OPCML: variants seen among roughly 807,000 people sequenced by gnomAD.
OPCML encodes the protein opioid binding protein/cell adhesion molecule like.
A neutral mutation model predicts 37.8 loss-of-function variants in OPCML; 13 were observed. The observed-to-expected ratio is 0.34, with a 90% confidence interval of 0.22 to 0.55. OPCML has a LOEUF of 0.55. OPCML is among the 20% of genes least tolerant of loss of function. OPCML has a pLI of 0.91. For missense variants in OPCML, 341 were observed against 435.6 expected (o/e 0.78, Z 1.93); for synonymous variants, 176 against 168.8 (o/e 1.04, Z -0.33).
chr11:133,350,274 G>C (rs889615740), intron 1 of OPCML, among the ~76,000 whole-genome samples: 1 of 152,292 alleles, frequency 6.6e-6, no homozygotes, highest in East Asian at 1.9e-4. Context: ...GTACCCACAC[G>C]CTAGAACACT....
In OPCML at chr11:133,162,710, T is replaced by A. The variant is rs148823614; in HGVS notation, c.62-219700A>T. ...GAAAGGAAAAGGGTCCCTGTTTGTG[T>A]CAGCCGGAAAGATAGCAGAGGCTAG... On this transcript the variant is annotated intron_variant, in intron 1 of 7. Coordinates refer to ENST00000524381, the MANE Select transcript of OPCML (RefSeq NM_001012393.5). Among the ~76,000 whole-genome samples, 27 of 150,976 alleles carry A rather than the reference T, an allele frequency of 1.8e-4. No individual in the cohort carries two copies. In the East Asian group the frequency reaches 5.3e-3, roughly 29 times the overall value.
intron 2 of OPCML, among the ~76,000 whole-genome samples, chr11:132,916,840 G>A (rs1472930228): frequency 6.6e-5 from 10 of 152,254 alleles, no homozygotes; most frequent in African/African-American, 1.9e-4. Flanking sequence ...TACTGCAGTC[G>A]GCAGCAGCAT....
intron 1 of OPCML, among the ~76,000 whole-genome samples, chr11:133,046,643 T>A (rs942909963): frequency 1.3e-5 from 2 of 152,196 alleles, no homozygotes; most frequent in African/African-American, 4.8e-5. Flanking sequence ...GCCCCTGGCA[T>A]GTGGGGTTCT....
chr11:132,703,391 T>C (rs1044743911), intron 2 of OPCML, among the ~76,000 whole-genome samples: 1 of 152,206 alleles, frequency 6.6e-6, no homozygotes, highest in Non-Finnish European at 1.5e-5. Flanking sequence ...TTGACCAAAA[T>C]GTTGCTGTCC....
At chr11:133,166,587 G>A (rs995605309) in intron 1 of OPCML, among the ~76,000 whole-genome samples, 1 of 152,234 alleles carries the variant, frequency 6.6e-6, no homozygotes, top group Non-Finnish European at 1.5e-5. Context: ...GGGGATGACA[G>A]AAGATTTGCC....
intron 3 of OPCML, among the ~76,000 whole-genome samples, chr11:132,634,942 C>A (rs1367602641): frequency 6.6e-6 from 1 of 151,946 alleles, no homozygotes; most frequent in Non-Finnish European, 1.5e-5. Flanking sequence ...AATATAATGC[C>A]CTCTTACTAT....
chr11:133,140,168 CAG>C (rs1314407333), intron 1 of OPCML, among the ~76,000 whole-genome samples: 1 of 139,168 alleles, frequency 7.2e-6, no homozygotes, highest in African/African-American at 2.7e-5. Context: ...GCCTGGGCGA[CAG>C]AGTGAGACTC....
chr11:133,004,269 C>T, intron 1 of OPCML: 1 of 985,448 alleles, frequency 1.0e-6, no homozygotes. Flanking sequence ...AGAGGCTTGC[C>T]AGAGGAAAGC....
intron 1 of OPCML, among the ~76,000 whole-genome samples, chr11:133,113,946 G>A (rs570282324): frequency 6.6e-6 from 1 of 152,268 alleles, no homozygotes; most frequent in South Asian, 2.1e-4. Context: ...AGACCACCTT[G>A]TTGATATTTA....
chr11:132,831,373 A>G (rs1940674218), intron 2 of OPCML, among the ~76,000 whole-genome samples: 1 of 152,180 alleles, frequency 6.6e-6, no homozygotes, highest in African/African-American at 2.4e-5. Context: ...AAGGGGAATA[A>G]TCTACATTCA....
chr11:132,631,513 G>A, intron 3 of OPCML, among the ~76,000 whole-genome samples: 1 of 150,936 alleles, frequency 6.6e-6, no homozygotes, highest in Middle Eastern at 3.2e-3. Flanking sequence ...AGGCTGGAGT[G>A]CAGTGGCAAG....
chr11:133,034,626 T>C (rs1357959901), intron 1 of OPCML, among the ~76,000 whole-genome samples: 2 of 152,206 alleles, frequency 1.3e-5, no homozygotes, highest in Admixed American at 6.5e-5. Flanking sequence ...AGAATGCTGC[T>C]GTATGTAGAG....
chr11:132,520,667 A>AAC (rs1555144674), intron 4 of OPCML, among the ~76,000 whole-genome samples: 3 of 118,918 alleles, frequency 2.5e-5, no homozygotes, highest in Admixed American at 1.6e-4. Flanking sequence ...TATGTAACTA[A>AAC]ATATATATGT....
chr11:133,255,498 C>T (rs1941282432), intron 1 of OPCML, among the ~76,000 whole-genome samples: 1 of 152,040 alleles, frequency 6.6e-6, no homozygotes, highest in Admixed American at 6.6e-5. Context: ...AAAAACAAAA[C>T]ATTTTGTATA....
chr11:133,378,002 T>C (rs1405383894), intron 1 of OPCML, among the ~76,000 whole-genome samples: 1 of 152,252 alleles, frequency 6.6e-6, no homozygotes, highest in Non-Finnish European at 1.5e-5. Context: ...ATACGCCATA[T>C]TGAGCTGAAA....
intron 1 of OPCML, among the ~76,000 whole-genome samples, chr11:133,113,674 C>A (rs1220859792): frequency 6.6e-6 from 1 of 152,148 alleles, no homozygotes; most frequent in African/African-American, 2.4e-5. Context: ...AAGGATAAGG[C>A]AATTTTGATA....
chr11:133,407,945 A>G (rs930513894), intron 1 of OPCML, among the ~76,000 whole-genome samples: 2 of 152,154 alleles, frequency 1.3e-5, no homozygotes, highest in African/African-American at 4.8e-5. Flanking sequence ...AAGTCATGTT[A>G]TTCTGGGCCG....
chr11:132,479,855 C>T (rs1470253613), intron 4 of OPCML, among the ~76,000 whole-genome samples: 3 of 152,112 alleles, frequency 2.0e-5, no homozygotes, highest in Admixed American at 1.3e-4. Flanking sequence ...GACATCCGCA[C>T]AAAAAACCCA....
intron 2 of OPCML, among the ~76,000 whole-genome samples, chr11:132,846,348 T>A (rs570477461): frequency 6.6e-6 from 1 of 152,282 alleles, no homozygotes; most frequent in South Asian, 2.1e-4. Context: ...ATAAACATGG[T>A]TCCCAAGGTC....
Sources: allele counts gnomAD v4.1 joint callset (sites outside exome capture counted in the v4.1 genomes callset), GRCh38; gene constraint gnomAD v4.1.1; transcripts MANE v1.5; gene names NCBI Gene and HGNC (gene_info 2026-07-23, HGNC 2026-07-21).